EVL: variants seen among roughly 807,000 people sequenced by gnomAD.
EVL encodes the protein Enah/Vasp-like, also known as ena/VASP-like protein.
EVL carries 21 observed loss-of-function variants against 59.6 expected under a neutral mutation model. The ratio of observed to expected loss-of-function variants is 0.35; its 90% CI spans 0.25 to 0.51. The LOEUF is 0.51. Ranked by LOEUF, EVL falls within the 20% of genes least tolerant of loss-of-function variation. The probability of loss-of-function intolerance (pLI) is 0.97; values close to 1 mark genes in which losing one functional copy is unlikely to be tolerated. For synonymous variants in EVL, 198 were observed against 203.5 expected, an observed-to-expected ratio of 0.97 and a Z score of 0.23; for missense variants, 462 against 546.6, an observed-to-expected ratio of 0.85 and a Z score of 1.54.
At chr14:100,080,317 A>G (rs1194018206) in intron 1 of EVL, among the ~76,000 whole-genome samples, 1 of 152,218 alleles carries the variant, frequency 6.6e-6, no homozygotes, top group Non-Finnish European at 1.5e-5. Context: ...CAGCTTGGAC[A>G]GGCTTGGTGT....
chr14:100,091,572 C>T (rs941135803), intron 2 of EVL, among the ~76,000 whole-genome samples: 2 of 152,200 alleles, frequency 1.3e-5, no homozygotes, highest in Non-Finnish European at 2.9e-5. Context: ...AGCGGAGGAG[C>T]TCCATCCTCT....
At position 99,996,638 on chromosome 14, in the gene EVL, T is replaced by C. The variant is rs147128104; in HGVS notation, c.5+24581T>C. On this transcript the variant is annotated intron_variant, in intron 1 of 13. Transcript: ENST00000402714. The stretch of plus-strand genomic sequence containing the variant: ...ATCTCCAAGAGGTAGGTATGATTAC[T>C]ACTCTCTTTTCCCCCTTCCCCCTTT... Among the ~76,000 whole-genome samples the C allele has an allele frequency of 2.4e-3, 368 of 152,308 alleles. 2 individuals carry two copies. Among genetic ancestry groups the C allele is most frequent in the Non-Finnish European group, 3.5e-3 (241 of 68,020 alleles).
At chr14:99,991,960 C>CTGTGTGTG (rs58443751) in intron 1 of EVL, among the ~76,000 whole-genome samples, 9,451 of 144,230 alleles carry the variant, frequency 0.066, 398 homozygotes, top group African/African-American at 0.097. Context: ...AGGGTCAACT[C>CTGTGTGTG]TGTGTGTGTG....
intron 1 of EVL, among the ~76,000 whole-genome samples, chr14:100,037,192 G>A (rs1289502316): frequency 6.6e-6 from 1 of 152,212 alleles, no homozygotes; most frequent in African/African-American, 2.4e-5. Flanking sequence ...GAAGAAGAAG[G>A]TGAGGGGACT....
chr14:100,062,998 T>C (rs963693030), upstream of EVL, among the ~76,000 whole-genome samples: 4 of 152,114 alleles, frequency 2.6e-5, no homozygotes, highest in East Asian at 1.9e-4. Flanking sequence ...CTCAGGAAGC[T>C]GAGGTAAGGA....
intron 1 of EVL, among the ~76,000 whole-genome samples, chr14:99,996,678 G>T (rs2060916316): frequency 6.6e-6 from 1 of 151,772 alleles, no homozygotes. Flanking sequence ...TTGAGGCAGG[G>T]TCTAGCTCTG....
At chr14:100,092,135 G>T (rs192778360) in intron 2 of EVL, among the ~76,000 whole-genome samples, 1 of 152,114 alleles carries the variant, frequency 6.6e-6, no homozygotes, top group East Asian at 1.9e-4. Flanking sequence ...CCAGCTACTC[G>T]GGAGGCTGAG....
At position 100,130,729 on chromosome 14, in the gene EVL, G is replaced by A. The variant is rs1419841683; in HGVS notation, c.839+1045G>A. On this transcript the variant is annotated intron_variant, in intron 7 of 13. Coordinates refer to ENST00000392920, the MANE Select transcript of EVL (RefSeq NM_016337.3). This position sits in a 1 kb window ranked among gnomAD's most constrained non-coding sequence, Gnocchi z 4.8. The stretch of plus-strand genomic sequence containing the variant: ...GCTTCATGGCAGGGCCACAGCCTGG[G>A]TTTCCTGCCAAGGGGCTCTTTGCTT... Among the ~76,000 whole-genome samples the A allele has an allele frequency of 6.6e-6, 1 of 152,248 alleles. No individual in the cohort carries two copies. The highest frequency in any genetic ancestry group is 1.5e-5 in the Non-Finnish European group (1 of 68,042).
chr14:100,012,495 G>C (rs1292841282), intron 1 of EVL, among the ~76,000 whole-genome samples: 1 of 152,240 alleles, frequency 6.6e-6, no homozygotes, highest in African/African-American at 2.4e-5. Flanking sequence ...CACTGGAGCA[G>C]CTGCACTTGC....
chr14:100,079,180 C>T (rs889604233), intron 1 of EVL, among the ~76,000 whole-genome samples: 2 of 152,206 alleles, frequency 1.3e-5, no homozygotes, highest in Admixed American at 6.5e-5. Flanking sequence ...GGAGCCCACC[C>T]GCAGAGCTGT....
chr14:99,994,541 A>G (rs1028231075), intron 1 of EVL, among the ~76,000 whole-genome samples: 1 of 150,730 alleles, frequency 6.6e-6, no homozygotes, highest in Non-Finnish European at 1.5e-5. Context: ...TGCGTTAAAA[A>G]CTCTACTCCT....
At chr14:100,119,715 C>A (rs913540527) in intron 3 of EVL, among the ~76,000 whole-genome samples, 1 of 152,160 alleles carries the variant, frequency 6.6e-6, no homozygotes, top group Non-Finnish European at 1.5e-5. Context: ...TTGTTTATTC[C>A]TCACCGCAGC....
chr14:100,088,896 C>T (rs928426897), intron 2 of EVL, among the ~76,000 whole-genome samples: 38 of 152,220 alleles, frequency 2.5e-4, no homozygotes, highest in South Asian at 6.2e-4. Flanking sequence ...TAAAATAAAG[C>T]TGATAAGGAG....
chr14:100,128,047 A>C (rs1888190937), intron 5 of EVL, among the ~76,000 whole-genome samples: 1 of 152,106 alleles, frequency 6.6e-6, no homozygotes, highest in Non-Finnish European at 1.5e-5. Context: ...GCCCTGACCC[A>C]TGCCCCCAGT....
chr14:99,977,447 G>A (rs923844234), intron 1 of EVL: 13 of 151,990 alleles, frequency 8.6e-5, no homozygotes, highest in African/African-American at 3.1e-4. Flanking sequence ...TGCCTGGGCT[G>A]GAGCACAGTG....
chr14:100,111,731 C>T (rs1298543370), intron 3 of EVL, among the ~76,000 whole-genome samples: 1 of 152,130 alleles, frequency 6.6e-6, no homozygotes, highest in Non-Finnish European at 1.5e-5. Flanking sequence ...GATCTTGGCT[C>T]CCTGAGATTG....
intron 8 of EVL, among the ~76,000 whole-genome samples, chr14:100,134,206 G>A (rs999061714): frequency 6.6e-6 from 1 of 152,176 alleles, no homozygotes; most frequent in Non-Finnish European, 1.5e-5. Context: ...TGCAGGCCAC[G>A]GGATAATCAC....
chr14:100,023,921 A>G (rs1020162833), intron 1 of EVL, among the ~76,000 whole-genome samples: 2 of 152,192 alleles, frequency 1.3e-5, no homozygotes, highest in African/African-American at 2.4e-5. Flanking sequence ...AACAGTGCCT[A>G]CATTTCCTTA....
intron 1 of EVL, among the ~76,000 whole-genome samples, chr14:100,044,219 G>A (rs1421926789): frequency 6.6e-6 from 1 of 152,174 alleles, no homozygotes; most frequent in African/African-American, 2.4e-5. Context: ...GGGGTTGGGG[G>A]ATTCACAACA....
Sources: allele counts gnomAD v4.1 joint callset (sites outside exome capture counted in the v4.1 genomes callset), GRCh38; gene constraint gnomAD v4.1.1; non-coding constraint Gnocchi (gnomAD v3.1); transcripts MANE v1.5; gene names NCBI Gene and HGNC (gene_info 2026-07-23, HGNC 2026-07-21).